ELMO1: variants seen among roughly 807,000 people sequenced by gnomAD.
ELMO1 encodes engulfment and cell motility 1.
ELMO1 carries 26 observed loss-of-function variants against 98.9 expected under a neutral mutation model. That is an observed-to-expected ratio of 0.26 (90% CI 0.19 to 0.36). ELMO1 has a LOEUF of 0.36. ELMO1 is among the 10% of genes least tolerant of loss of function. The pLI is 1.00. For synonymous variants in ELMO1, 346 were observed against 346.0 expected (o/e 1.00, Z 0.00); for missense variants, 627 against 935.2 (o/e 0.67, Z 4.30).
intron 2 of ELMO1, among the ~76,000 whole-genome samples, chr7:37,325,278 T>C (rs948188432): frequency 6.6e-6 from 1 of 152,246 alleles, no homozygotes; most frequent in Non-Finnish European, 1.5e-5. Flanking sequence ...GGCACTTACT[T>C]TGGTGGCAGA....
At chr7:37,205,034 A>G (rs962409308) in intron 13 of ELMO1, among the ~76,000 whole-genome samples, 2 of 152,208 alleles carry the variant, frequency 1.3e-5, no homozygotes, top group Non-Finnish European at 2.9e-5. Context: ...TCCTTTAGCT[A>G]GACACACAAT....
chr7:37,169,113 C>T (rs1336045474), intron 13 of ELMO1, among the ~76,000 whole-genome samples: 6 of 152,180 alleles, frequency 3.9e-5, no homozygotes, highest in African/African-American at 1.2e-4. Context: ...TAGCAATCAG[C>T]GAGACTCCGT....
At chr7:37,030,036 G>A (rs1475874869) in intron 15 of ELMO1, among the ~76,000 whole-genome samples, 1 of 152,084 alleles carries the variant, frequency 6.6e-6, no homozygotes, top group Non-Finnish European at 1.5e-5. Flanking sequence ...ATTGCCTCCA[G>A]GAGAATTTGC....
At chr7:37,232,772 A>G (rs1480454780) in intron 8 of ELMO1, among the ~76,000 whole-genome samples, 3 of 152,200 alleles carry the variant, frequency 2.0e-5, no homozygotes, top group African/African-American at 7.2e-5. Flanking sequence ...AAGAAGGATG[A>G]CAGTAGGAAC....
At chr7:37,159,185 G>A (rs578171019) in intron 13 of ELMO1, among the ~76,000 whole-genome samples, 2 of 152,252 alleles carry the variant, frequency 1.3e-5, no homozygotes, top group South Asian at 2.1e-4. Flanking sequence ...ATAGCATTAG[G>A]AGAAATACCT....
At chr7:37,047,794 G>A (rs1477427283) in intron 15 of ELMO1, among the ~76,000 whole-genome samples, 1 of 151,952 alleles carries the variant, frequency 6.6e-6, no homozygotes, top group Non-Finnish European at 1.5e-5. Context: ...ATTCAGTTGA[G>A]CCTATCAGAT....
rs113773819 is a variant in ELMO1, at chr7:37,436,450, T to C, written c.-74+12225A>G. Among the ~76,000 whole-genome samples, 1,040 of 152,346 alleles carry C rather than the reference T, an allele frequency of 6.8e-3. 12 individuals carry two copies. The highest frequency in any genetic ancestry group is 0.022 in the African/African-American group (913 of 41,570). On this transcript the variant is annotated intron_variant, in intron 1 of 21. Coordinates refer to ENST00000310758, the MANE Select transcript of ELMO1 (RefSeq NM_014800.11). ...ATTTTCATGACTATAGTAATGGAAG[T>C]CAAGGTGGAGACCAAAAGTTATCAC...
chr7:37,165,788 T>C (rs369989393), intron 13 of ELMO1, among the ~76,000 whole-genome samples: 6 of 152,172 alleles, frequency 3.9e-5, no homozygotes, highest in Admixed American at 6.5e-5. Context: ...GGATATTGGT[T>C]TAAAATTCTC....
At chr7:37,229,105 T>A (rs1374733006) in intron 8 of ELMO1, among the ~76,000 whole-genome samples, 1 of 152,134 alleles carries the variant, frequency 6.6e-6, no homozygotes, top group Non-Finnish European at 1.5e-5. Flanking sequence ...AGGCAAAAAT[T>A]ACCAGGTCTC....
At chr7:37,049,579 C>G (rs748810907) in intron 15 of ELMO1, among the ~76,000 whole-genome samples, 1 of 151,790 alleles carries the variant, frequency 6.6e-6, no homozygotes, top group Non-Finnish European at 1.5e-5. Context: ...AGGCTCAGGT[C>G]AGAGCCTTTT....
At chr7:37,150,272 G>C (rs1005289269) in intron 13 of ELMO1, among the ~76,000 whole-genome samples, 1 of 79,694 alleles carries the variant, frequency 1.3e-5, no homozygotes, top group African/African-American at 4.3e-5. Context: ...AGGCTATGCG[G>C]AATTCTTTTT....
chr7:37,305,094 T>C (rs1798543875), intron 4 of ELMO1, among the ~76,000 whole-genome samples: 1 of 152,226 alleles, frequency 6.6e-6, no homozygotes. Context: ...TCTACTCTTC[T>C]GTGATGCTGC....
intron 13 of ELMO1, among the ~76,000 whole-genome samples, chr7:37,141,835 T>A (rs900022710): frequency 2.0e-5 from 3 of 152,222 alleles, no homozygotes; most frequent in Non-Finnish European, 4.4e-5. Context: ...CTTTTCTACA[T>A]TATTCAAGAA....
chr7:36,873,398 T>C (rs986728884), intron 19 of ELMO1, among the ~76,000 whole-genome samples: 5 of 152,148 alleles, frequency 3.3e-5, no homozygotes, highest in African/African-American at 1.2e-4. Flanking sequence ...GATAAAGAAG[T>C]GGGCTCCAGA....
chr7:37,093,960 G>C (rs988105434), intron 15 of ELMO1, among the ~76,000 whole-genome samples: 7 of 152,112 alleles, frequency 4.6e-5, no homozygotes, highest in Non-Finnish European at 1.0e-4. Flanking sequence ...AAAACATAAT[G>C]ACAAAACTCA....
chr7:37,273,325 T>C (rs750068568), intron 4 of ELMO1, among the ~76,000 whole-genome samples: 16 of 152,286 alleles, frequency 1.1e-4, no homozygotes, highest in Non-Finnish European at 1.8e-4. Context: ...GTTTCCCCCA[T>C]GCCATTCTCG....
chr7:36,875,747 T>A (rs1372406537), intron 19 of ELMO1, among the ~76,000 whole-genome samples: 1 of 152,030 alleles, frequency 6.6e-6, no homozygotes, highest in Non-Finnish European at 1.5e-5. Context: ...GGGGTGAGGG[T>A]CTTAGCAGAG....
intron 16 of ELMO1, among the ~76,000 whole-genome samples, chr7:36,908,515 T>C (rs910566338): frequency 6.6e-6 from 1 of 152,126 alleles, no homozygotes; most frequent in Non-Finnish European, 1.5e-5. Context: ...TAGAGTTTTG[T>C]TATATAGCAA....
intron 14 of ELMO1, among the ~76,000 whole-genome samples, chr7:37,102,670 C>T (rs932563641): frequency 9.9e-5 from 15 of 152,230 alleles, no homozygotes; most frequent in African/African-American, 2.2e-4. Context: ...ATTCCACACA[C>T]GTGTACCAGC....
Sources: allele counts gnomAD v4.1 joint callset (sites outside exome capture counted in the v4.1 genomes callset), GRCh38; gene constraint gnomAD v4.1.1; transcripts MANE v1.5; gene names NCBI Gene and HGNC (gene_info 2026-07-23, HGNC 2026-07-21).